The following SRGAP3 variants were observed in gnomAD, a reference collection of about 807,000 sequenced individuals.
SRGAP3 encodes SLIT-ROBO Rho GTPase activating protein 3.
SRGAP3 carries 39 observed loss-of-function variants against 121.1 expected under a neutral mutation model. The observed-to-expected ratio is 0.32, with a 90% CI of 0.25 to 0.42. SRGAP3 has a LOEUF of 0.42. SRGAP3 is among the 10% of genes least tolerant of loss of function. The pLI is 1.00. For missense variants in SRGAP3, 1,213 were observed against 1,470.6 expected, an observed-to-expected ratio of 0.82 and a Z score of 2.86; for synonymous variants, 601 against 570.0, an observed-to-expected ratio of 1.05 and a Z score of -0.77.
At chr3:9,273,172 A>G (rs1383357330) in intron 3 of SRGAP3, among the ~76,000 whole-genome samples, 2 of 152,180 alleles carry the variant, frequency 1.3e-5, no homozygotes, top group African/African-American at 4.8e-5. Flanking sequence ...GCAGTTCACA[A>G]TAGGGTTTGC....
chr3:9,298,908 C>T (rs759953625), intron 3 of SRGAP3, among the ~76,000 whole-genome samples: 42 of 151,592 alleles, frequency 2.8e-4, no homozygotes, highest in African/African-American at 5.8e-4. Context: ...AAAAATTAGC[C>T]GGGCGTGGTG....
intron 1 of SRGAP3, among the ~76,000 whole-genome samples, chr3:9,336,275 G>A (rs1050367970): frequency 6.7e-6 from 1 of 150,218 alleles, no homozygotes; most frequent in Non-Finnish European, 1.5e-5. Flanking sequence ...ATAGTTCAGT[G>A]GTGTGATCAT....
rs757351284 is a variant in SRGAP3, at chr3:8,985,860, C to A, written c.2959G>T (p.Ala987Ser). ...AGGGTGTCCAGCACCACATCTGGCGCCTGCTTGACCGTGTTCTGCCTCTCG... is the reference window on the plus strand; with the variant it reads ...AGGGTGTCCAGCACCACATCTGGCGACTGCTTGACCGTGTTCTGCCTCTCG... Reference protein sequence around the residue: ...ELERQNTVKQAPDVVLDTLEP... With the variant: ...ELERQNTVKQSPDVVLDTLEP... Residue 987 changes from alanine to serine, a missense_variant, in exon 22 of 22, where the codon GCG becomes TCG. By Grantham distance (99) the Ala-to-Ser change is moderately conservative. This residue lies in a region of SRGAP3 where 420 missense variants were observed against 437.7 expected (regional missense o/e 0.96). Coordinates refer to ENST00000383836, the MANE Select transcript of SRGAP3 (RefSeq NM_014850.4). The surrounding 1 kb of genome is among the most constrained non-coding windows in gnomAD (Gnocchi z 5.1). The A allele has an allele frequency of 1.2e-6, 2 of 1,600,168 alleles. No individual in the cohort carries two copies. Among genetic ancestry groups the A allele is most frequent in the Non-Finnish European group, 1.7e-6 (2 of 1,179,898 alleles).
At chr3:9,069,629 T>C in intron 4 of SRGAP3, among the ~76,000 whole-genome samples, 1 of 152,166 alleles carries the variant, frequency 6.6e-6, no homozygotes, top group East Asian at 1.9e-4. Context: ...TCCTAGCCCC[T>C]CACTTGAGGA....
At chr3:9,056,168 G>A in intron 8 of SRGAP3, 65 bp downstream of exon 8, 2 of 1,485,508 alleles carry the variant, frequency 1.3e-6, no homozygotes, top group Non-Finnish European at 9.4e-7. Context: ...TGGCACAAGT[G>A]GACTCCCTGG....
intron 4 of SRGAP3, among the ~76,000 whole-genome samples, chr3:9,075,182 C>T (rs531760600): frequency 6.6e-6 from 1 of 152,310 alleles, no homozygotes; most frequent in East Asian, 1.9e-4. Context: ...TTTACCTCTG[C>T]CCTTTTTTTC....
intron 9 of SRGAP3, 45 bp downstream of exon 9, chr3:9,052,982 G>A (rs1945654603): frequency 6.2e-7 from 1 of 1,603,128 alleles, no homozygotes; most frequent in Admixed American, 1.7e-5. Context: ...GTCACTGCCA[G>A]TGGCTTGGCC....
chr3:9,142,829 CTTTTTT>C (rs397795766), intron 1 of SRGAP3, among the ~76,000 whole-genome samples: 8 of 90,832 alleles, frequency 8.8e-5, no homozygotes, highest in South Asian at 9.0e-4. Flanking sequence ...GGGCAATTTC[CTTTTTT>C]TTTTTTTTTT....
At chr3:9,326,934 A>T (rs1013799049) in intron 2 of SRGAP3, among the ~76,000 whole-genome samples, 4 of 151,860 alleles carry the variant, frequency 2.6e-5, no homozygotes, top group African/African-American at 9.6e-5. Flanking sequence ...GACCCAATGA[A>T]GATAGCATGA....
rs573191283 is a variant in SRGAP3, at chr3:9,072,270, A to G, written c.487-7689T>C. On this transcript the variant is annotated intron_variant, in intron 4 of 21. Coordinates refer to ENST00000383836, the MANE Select transcript of SRGAP3 (RefSeq NM_014850.4). The stretch of plus-strand genomic sequence containing the variant: ...AGGAACTGTCCACTGTCGATCAGAT[A>G]CCATCTCTTCTCTGGCACCTTCCTG... Among the ~76,000 whole-genome samples, 4 of 152,280 alleles carry G rather than the reference A, an allele frequency of 2.6e-5. No homozygotes were observed. The South Asian group carries it at 8.3e-4, about 32-fold the overall frequency.
chr3:9,161,582 G>C (rs956962463), intron 1 of SRGAP3, among the ~76,000 whole-genome samples: 1 of 152,344 alleles, frequency 6.6e-6, no homozygotes, highest in African/African-American at 2.4e-5. Context: ...CTCAATAAAT[G>C]CTGAATTGAG....
intron 3 of SRGAP3, among the ~76,000 whole-genome samples, chr3:9,278,556 TGTG>T (rs1330791849): frequency 2.2e-4 from 34 of 152,334 alleles, no homozygotes; most frequent in African/African-American, 6.7e-4. Context: ...TAGAATTTGT[TGTG>T]GTGGTGTATG....
At chr3:8,986,705 C>T (rs1020873728) in intron 21 of SRGAP3, among the ~76,000 whole-genome samples, 1 of 151,706 alleles carries the variant, frequency 6.6e-6, no homozygotes, top group Non-Finnish European at 1.5e-5. Context: ...GGGACTGCTA[C>T]TCTCTTCTCT....
intron 4 of SRGAP3, among the ~76,000 whole-genome samples, chr3:9,069,712 G>A (rs1946601295): frequency 6.6e-6 from 1 of 152,186 alleles, no homozygotes; most frequent in African/African-American, 2.4e-5. Context: ...CCTTTGGGAG[G>A]CCAAGGCGGG....
intron 1 of SRGAP3, among the ~76,000 whole-genome samples, chr3:9,342,607 C>T (rs2125290686): frequency 6.6e-6 from 1 of 152,320 alleles, no homozygotes; most frequent in South Asian, 2.1e-4. Flanking sequence ...TCTTGTTATA[C>T]CATGGGTGGG....
chr3:9,148,482 C>T (rs1950099543), intron 1 of SRGAP3, among the ~76,000 whole-genome samples: 1 of 152,166 alleles, frequency 6.6e-6, no homozygotes, highest in Non-Finnish European at 1.5e-5. Flanking sequence ...AGAGGAAGTG[C>T]CATGGGGTGA....
chr3:9,321,457 G>A (rs900373590), intron 3 of SRGAP3, among the ~76,000 whole-genome samples: 1 of 151,918 alleles, frequency 6.6e-6, no homozygotes, highest in African/African-American at 2.4e-5. Context: ...TGCTAACTCT[G>A]ACCAACCGAT....
intron 1 of SRGAP3, among the ~76,000 whole-genome samples, chr3:9,128,919 G>T (rs753202370): frequency 6.6e-6 from 1 of 152,172 alleles, no homozygotes; most frequent in Non-Finnish European, 1.5e-5. Flanking sequence ...ATGGAGAGAG[G>T]GAACAAGCAT....
chr3:9,361,884 C>G (rs1336628669), intron 1 of SRGAP3, among the ~76,000 whole-genome samples: 2 of 152,162 alleles, frequency 1.3e-5, no homozygotes. Flanking sequence ...CTTTTGAAGT[C>G]AAGCGGTAGA....
Sources: allele counts gnomAD v4.1 joint callset (sites outside exome capture counted in the v4.1 genomes callset), GRCh38; gene constraint gnomAD v4.1.1; regional missense constraint gnomAD v4.1.1; non-coding constraint Gnocchi (gnomAD v3.1); transcripts MANE v1.5; gene names NCBI Gene and HGNC (gene_info 2026-07-23, HGNC 2026-07-21).